R3HDM2: variants seen among roughly 807,000 people sequenced by gnomAD.
R3HDM2 encodes R3H domain-containing protein 2.
In R3HDM2, 38 loss-of-function variants were observed where a neutral mutation model predicts 124.5. The observed-to-expected ratio is 0.31, with a 90% CI of 0.24 to 0.40. R3HDM2 has a LOEUF of 0.40. Among genes scored for constraint, R3HDM2 ranks in the 10% least tolerant of loss-of-function variants. The pLI is 1.00. For missense variants in R3HDM2, 869 were observed against 1,236.9 expected, an observed-to-expected ratio of 0.70 and a Z score of 4.46; for synonymous variants, 391 against 448.0, an observed-to-expected ratio of 0.87 and a Z score of 1.61.
intron 14 of R3HDM2, among the ~76,000 whole-genome samples, chr12:57,274,120 A>C (rs749176678): frequency 6.6e-6 from 1 of 152,036 alleles, no homozygotes; most frequent in Non-Finnish European, 1.5e-5. Context: ...AATTCTCTTC[A>C]TTCTTTTGGA....
Position 57,280,544 on chromosome 12 carries a change from GAA to G in R3HDM2, c.1172-16_1172-15del. 6.3e-7 allele frequency: 1 copy of G among 1,575,928 alleles called. No homozygotes were observed. The highest frequency in any genetic ancestry group is 8.6e-7 in the Non-Finnish European group (1 of 1,160,530). ...CTAGTGCCATACCTAAGGCAAAGAA[GAA>G]ACCCACAAAAAGTTGTAAGCATAAG... On this transcript the variant is annotated splice_polypyrimidine_tract_variant and intron_variant, in intron 13 of 23. Coordinates refer to ENST00000402412, the MANE Select transcript of R3HDM2 (RefSeq NM_001394031.1).
intron 1 of R3HDM2, among the ~76,000 whole-genome samples, chr12:57,408,428 G>C (rs1370044124): frequency 6.6e-6 from 1 of 152,060 alleles, no homozygotes; most frequent in Non-Finnish European, 1.5e-5. Flanking sequence ...TCAAGGATTT[G>C]CTTCAAAATA....
intron 1 of R3HDM2, among the ~76,000 whole-genome samples, chr12:57,400,924 G>A (rs1357624379): frequency 6.6e-6 from 1 of 151,998 alleles, no homozygotes. Context: ...TTGCTAAGCT[G>A]GGACCTGAAA....
rs754979437 is a variant in R3HDM2, at chr12:57,280,342, C to T, written c.1344+16G>A. Reference sequence around the variant, plus strand: ...AATCAGAGTGGAGAGGACTCTGACACTGAGTGGTGACTCACCTGTGAGATC... The same window carrying T: ...AATCAGAGTGGAGAGGACTCTGACATTGAGTGGTGACTCACCTGTGAGATC... On this transcript the variant is annotated intron_variant, in intron 14 of 23. Transcript: ENST00000402412. The T allele has an allele frequency of 6.2e-7, 1 of 1,608,596 alleles. No homozygotes were observed. The highest frequency in any genetic ancestry group is 1.1e-5 in the South Asian group (1 of 90,150).
intron 1 of R3HDM2, among the ~76,000 whole-genome samples, chr12:57,412,802 G>A (rs1414261229): frequency 1.3e-5 from 2 of 151,536 alleles, no homozygotes; most frequent in African/African-American, 2.4e-5. Flanking sequence ...TCAGGAGTTC[G>A]AGACCAGCCT....
At chr12:57,386,483 C>T (rs1478181746) in intron 2 of R3HDM2, among the ~76,000 whole-genome samples, 2 of 152,236 alleles carry the variant, frequency 1.3e-5, no homozygotes, top group Non-Finnish European at 2.9e-5. Context: ...CGACTTCTTG[C>T]CGGGCCTTAG....
chr12:57,389,756 A>G (rs758899888), intron 2 of R3HDM2, among the ~76,000 whole-genome samples: 163 of 152,328 alleles, frequency 1.1e-3, no homozygotes, highest in Non-Finnish European at 1.9e-3. Flanking sequence ...AAAGATTAGA[A>G]TAGAAAAAAA....
chr12:57,270,357 G>A (rs374343351), intron 14 of R3HDM2, among the ~76,000 whole-genome samples: 1 of 152,146 alleles, frequency 6.6e-6, no homozygotes, highest in East Asian at 1.9e-4. Flanking sequence ...TGAGTAGCTG[G>A]GATTACAGGC....
Position 57,361,716 on chromosome 12 carries a change from T to A in R3HDM2, c.-36+34033A>T, listed in dbSNP as rs538805265. On this transcript the variant is annotated intron_variant, in intron 2 of 23. Coordinates refer to ENST00000402412, the MANE Select transcript of R3HDM2 (RefSeq NM_001394031.1). ...AAAAAACCTAAGAAAGGCATACCTATAGACTCTAATATGATTCAAGAAAAA... is the reference window on the plus strand; with the variant it reads ...AAAAAACCTAAGAAAGGCATACCTAAAGACTCTAATATGATTCAAGAAAAA... 2.6e-5 allele frequency among the ~76,000 whole-genome samples: 4 copies of A among 152,086 alleles called. No individual in the cohort carries two copies. In the South Asian group the frequency reaches 8.3e-4, roughly 31 times the overall value.
At chr12:57,330,186 G>T (rs1236521841) in intron 2 of R3HDM2, among the ~76,000 whole-genome samples, 10 of 151,994 alleles carry the variant, frequency 6.6e-5, no homozygotes, top group Admixed American at 5.2e-4. Flanking sequence ...GGCTGGTCTT[G>T]AACTCCTGAC....
chr12:57,326,627 T>C (rs1227320303), intron 2 of R3HDM2, among the ~76,000 whole-genome samples: 2 of 152,214 alleles, frequency 1.3e-5, no homozygotes, highest in African/African-American at 2.4e-5. Flanking sequence ...GCAAATTATA[T>C]AGAAGATCTA....
intron 14 of R3HDM2, among the ~76,000 whole-genome samples, chr12:57,278,572 G>A (rs1433806726): frequency 6.6e-6 from 1 of 152,120 alleles, no homozygotes; most frequent in Non-Finnish European, 1.5e-5. Context: ...GATGACAGAA[G>A]GAGAAGCATA....
chr12:57,300,913 A>G (rs1257583750), intron 4 of R3HDM2, among the ~76,000 whole-genome samples: 1 of 152,026 alleles, frequency 6.6e-6, no homozygotes, highest in Non-Finnish European at 1.5e-5. Flanking sequence ...CAGTCTGGGC[A>G]ACATAGTGAG....
intron 2 of R3HDM2, among the ~76,000 whole-genome samples, chr12:57,356,859 C>T (rs201237034): frequency 3.3e-5 from 5 of 152,258 alleles, no homozygotes; most frequent in African/African-American, 1.2e-4. Flanking sequence ...GCCTGTAATC[C>T]GGCTTTGGGA....
At chr12:57,324,186 ATCTT>A (rs1408363013) in intron 2 of R3HDM2, among the ~76,000 whole-genome samples, 1 of 152,030 alleles carries the variant, frequency 6.6e-6, no homozygotes, top group South Asian at 2.1e-4. Flanking sequence ...TATTAAAACA[ATCTT>A]TCTTTCTTTT....
chr12:57,316,641 G>A (rs773652232), intron 2 of R3HDM2, among the ~76,000 whole-genome samples: 10 of 147,176 alleles, frequency 6.8e-5, no homozygotes, highest in Non-Finnish European at 5.9e-5. Flanking sequence ...GTTAGAGTAC[G>A]GTGGTGAGAT....
intron 1 of R3HDM2, among the ~76,000 whole-genome samples, chr12:57,429,810 A>G (rs1369086152): frequency 1.3e-5 from 2 of 152,188 alleles, no homozygotes; most frequent in Non-Finnish European, 2.9e-5. Context: ...AAAAAAAAGC[A>G]TTAGGAAGAA....
At chr12:57,367,648 TTC>T (rs1394957468) in intron 2 of R3HDM2, among the ~76,000 whole-genome samples, 9 of 152,218 alleles carry the variant, frequency 5.9e-5, no homozygotes, top group African/African-American at 1.9e-4. Flanking sequence ...GTGCTCAAAC[TTC>T]TTTCTTTTCT....
intron 12 of R3HDM2, among the ~76,000 whole-genome samples, chr12:57,288,430 T>C (rs1373071901): frequency 1.3e-5 from 2 of 152,040 alleles, no homozygotes; most frequent in Non-Finnish European, 2.9e-5. Context: ...TTCTTAAAGA[T>C]ATCTTTAAGA....
Sources: allele counts gnomAD v4.1 joint callset (sites outside exome capture counted in the v4.1 genomes callset), GRCh38; gene constraint gnomAD v4.1.1; transcripts MANE v1.5; gene names NCBI Gene and HGNC (gene_info 2026-07-23, HGNC 2026-07-21).